Variants in PLA2G4F observed in about 807,000 individuals in gnomAD.
PLA2G4F encodes phospholipase A2 group IVF.
A neutral mutation model predicts 103.1 loss-of-function variants in PLA2G4F; 105 were observed. That is an observed-to-expected ratio of 1.02 (90% confidence interval 0.87 to 1.20). PLA2G4F has a LOEUF of 1.20. Among genes scored for constraint, PLA2G4F ranks in the 50% most tolerant of loss-of-function variants. The pLI, the probability that PLA2G4F is intolerant of heterozygous loss-of-function variation, is 0.00. For missense variants in PLA2G4F, 1,155 were observed against 1,075.9 expected (o/e 1.07, Z -1.03); for synonymous variants, 468 against 441.1 (o/e 1.06, Z -0.76).
rs913459169 is a variant in PLA2G4F at position 42,150,647 on chromosome 15, C to G, written c.732G>C (p.Arg244Ser). 8.7e-6 allele frequency: 14 copies of G among 1,613,344 alleles called. No individual in the cohort carries two copies. The highest frequency in any genetic ancestry group is 1.2e-5 in the Non-Finnish European group (14 of 1,179,676). The change falls in exon 8 of 20, where the codon AGG becomes AGC. Residue 244 changes from arginine (R) to serine (S), a missense_variant. By Grantham distance (110) the Arg-to-Ser change is moderately radical (BLOSUM62 -1). Around this residue, in one of 3 missense-constraint regions of PLA2G4F, gnomAD observed 370 missense variants for 364.9 expected, o/e 1.01. Transcript: ENST00000397272. Reference protein sequence around the residue: ...TFHVNPVLSSRLHVELMELLA... With the variant: ...TFHVNPVLSSSLHVELMELLA... ...GCAGCTCCATCAGCTCCACGTGTAGCCTGGAGCTCAGCACTGGGTTCACGT... is the reference window on the plus strand; with the variant it reads ...GCAGCTCCATCAGCTCCACGTGTAGGCTGGAGCTCAGCACTGGGTTCACGT...
intron 13 of PLA2G4F, 122 bp downstream of exon 13, chr15:42,147,002 G>A (rs945178624): frequency 5.1e-6 from 5 of 983,796 alleles, no homozygotes; most frequent in Non-Finnish European, 7.4e-6. Context: ...GGCCCCAGGG[G>A]AGCCGAGAGC....
Position 42,154,464 on chromosome 15 carries a change from G to T in PLA2G4F, c.185-6C>A. 2.6e-6 allele frequency: 4 copies of T among 1,562,928 alleles called. No individual in the cohort carries two copies. Among genetic ancestry groups the T allele is most frequent in the Non-Finnish European group, 3.5e-6 (4 of 1,151,998 alleles). On this transcript the variant is annotated splice_polypyrimidine_tract_variant and splice_region_variant and intron_variant, in intron 2 of 19. Coordinates refer to ENST00000397272, the MANE Select transcript of PLA2G4F (RefSeq NM_213600.4). ...ATAGCAGTCGGCTTTGGACACTGCAGGTAGGACAGGGAGGGGCCGGGGCCT... is the reference window on the plus strand; with the variant it reads ...ATAGCAGTCGGCTTTGGACACTGCATGTAGGACAGGGAGGGGCCGGGGCCT...
intron 8 of PLA2G4F, 59 bp from the exon 9 acceptor site, chr15:42,150,545 G>A (rs759739713): frequency 1.1e-4 from 178 of 1,597,212 alleles, no homozygotes; most frequent in Non-Finnish European, 1.3e-4. Flanking sequence ...CTCCCCCAAC[G>A]TGGCCCTGGA....
chr15:42,143,866 CCA>C, intron 18 of PLA2G4F, 110 bp downstream of exon 18: 1 of 1,373,662 alleles, frequency 7.3e-7, no homozygotes, highest in Non-Finnish European at 9.8e-7. Context: ...AGGGCAATCC[CCA>C]CACACCCAGC....
intron 2 of PLA2G4F, among the ~76,000 whole-genome samples, chr15:42,155,166 C>T (rs1354298822): frequency 6.6e-6 from 1 of 151,926 alleles, no homozygotes; most frequent in Non-Finnish European, 1.5e-5. Flanking sequence ...CTTGCACTCA[C>T]ACACTCCTAC....
rs757332904 is a variant in PLA2G4F, at chr15:42,142,141, G to T, written c.2393C>A (p.Thr798Asn). 5.6e-6 allele frequency: 9 copies of T among 1,614,088 alleles called. No individual in the cohort carries two copies. The South Asian group carries it at 6.6e-5, about 12-fold the overall frequency. Residue 798 changes from threonine to asparagine, a missense_variant, in exon 20 of 20, where the codon ACC becomes AAC. Physicochemically the swap from Thr to Asn is moderately conservative, Grantham distance 65 (BLOSUM62 0). This residue lies in a region of PLA2G4F where 782 missense variants were observed against 692.9 expected (regional missense o/e 1.13). Transcript: ENST00000397272. ...FGDFVINRPD[T>N]PYGMMNFTYE... ...GGTGAAGTTCATCATGCCATAGGGG[G>T]TGTCTGGCCTGTTGATGACAAAGTC...
At chr15:42,150,535 C>A in intron 8 of PLA2G4F, 49 bp from the exon 9 acceptor site, 1 of 1,599,908 alleles carries the variant, frequency 6.3e-7, no homozygotes, top group South Asian at 1.1e-5. Context: ...GAAGAAAAGT[C>A]TCCCCCAACG....
intron 13 of PLA2G4F, among the ~76,000 whole-genome samples, chr15:42,146,509 A>G (rs1054135778): frequency 2.6e-5 from 4 of 152,244 alleles, no homozygotes; most frequent in Non-Finnish European, 4.4e-5. Flanking sequence ...AACACCAGGG[A>G]GTCAGGGTGA....
Position 42,153,318 on chromosome 15 carries a change from G to A in PLA2G4F, c.516C>T (p.Ile172=). The A allele has an allele frequency of 1.2e-6, 2 of 1,614,184 alleles. 1 individual carries two copies. The highest frequency in any genetic ancestry group is 2.2e-5 in the South Asian group (2 of 91,082). The change falls in exon 6 of 20, where the codon ATC becomes ATT. Residue 172 remains isoleucine, a synonymous_variant. Transcript: ENST00000397272. The stretch of plus-strand genomic sequence containing the variant: ...CACTCACCACCAGAACCCCGTTGGT[G>A]ATGACTTCAGATGCAGGCACCTGGC... ...EKSQVPASEV[I]TNGVLVAHPC... is the part of the protein sequence containing the mutation.
rs2048822086 is a variant in PLA2G4F at position 42,140,848 on chromosome 15, C to G, written c.*1136G>C. 1 of 201,382 alleles carries G rather than the reference C, an allele frequency of 5.0e-6. No homozygotes were observed. The highest frequency in any genetic ancestry group is 2.3e-5 in the African/African-American group (1 of 44,044). 12.5% of individuals were successfully genotyped at this position (201,382 alleles called of 1,614,324 possible). On this transcript the variant is annotated 3_prime_UTR_variant, in exon 20 of 20. Coordinates refer to ENST00000397272, the MANE Select transcript of PLA2G4F (RefSeq NM_213600.4). Reference sequence around the variant, plus strand: ...TCAAGTGCTGCTGCAGGCTCCTAGGCAGCTCAGCACTGGAGGCATATGCTG... The same window carrying G: ...TCAAGTGCTGCTGCAGGCTCCTAGGGAGCTCAGCACTGGAGGCATATGCTG...
Position 42,145,564 on chromosome 15 carries a change from G to C in PLA2G4F, c.1780+11C>G. On this transcript the variant is annotated intron_variant, in intron 16 of 19. Transcript: ENST00000397272. ...TGTGGTGTGGGAGGGGCTCGGGGTC[G>C]CTACCCTCACCTGTGATATTCACAC... 1.2e-6 allele frequency: 2 copies of C among 1,611,868 alleles called. No homozygotes were observed. Among genetic ancestry groups the C allele is most frequent in the Non-Finnish European group, 1.7e-6 (2 of 1,178,270 alleles).
At chr15:42,150,515 C>A (rs771346411) in intron 8 of PLA2G4F, 29 bp from the exon 9 acceptor site, 7 of 1,605,016 alleles carry the variant, frequency 4.4e-6, no homozygotes, top group Admixed American at 3.4e-5. Context: ...CCAAGAAGCT[C>A]TCCAGCAGGG....
rs755857506 is a variant in PLA2G4F at position 42,150,558 on chromosome 15, G to A, written c.771+50C>T. 48 of 1,594,148 alleles carry A rather than the reference G, an allele frequency of 3.0e-5. 1 individual carries two copies. Among genetic ancestry groups the A allele is most frequent in the South Asian group, 2.3e-4 (20 of 87,692 alleles). On this transcript the variant is annotated intron_variant, in intron 8 of 19. Transcript: ENST00000397272. The stretch of plus-strand genomic sequence containing the variant: ...GTCTCCCCCAACGTGGCCCTGGAAC[G>A]CCAGTCTGGGCTGAGTTGGATCTAC...
chr15:42,150,726 A>T lies in PLA2G4F; in HGVS notation c.653T>A (p.Leu218His). 1 of 1,612,524 alleles carries T rather than the reference A, an allele frequency of 6.2e-7. No individual in the cohort carries two copies. The highest frequency in any genetic ancestry group is 8.5e-7 in the Non-Finnish European group (1 of 1,179,564). The change falls in exon 8 of 20, where the codon CTC becomes CAC. Residue 218 changes from leucine to histidine, a missense_variant. By Grantham distance (99) the Leu-to-His change is moderately conservative. This residue lies in a region of PLA2G4F where 370 missense variants were observed against 364.9 expected (regional missense o/e 1.01). Coordinates refer to ENST00000397272, the MANE Select transcript of PLA2G4F (RefSeq NM_213600.4). ...CTCTGTGGGAGGCTGCAGGGGCAAG[A>T]GCTGTGGCTTCTCGTAGGCTCCAGG... ...AVPGAYEKPQLLPLQPPTEPG... is the reference protein window; with the variant it reads ...AVPGAYEKPQHLPLQPPTEPG...
intron 2 of PLA2G4F, 67 bp from the exon 3 acceptor site, chr15:42,154,525 G>T: frequency 6.8e-7 from 1 of 1,474,508 alleles, no homozygotes; most frequent in Non-Finnish European, 9.0e-7. Flanking sequence ...CCTTGGGGAG[G>T]CTAGGGCAGA....
At position 42,146,466 on chromosome 15, in the gene PLA2G4F, C is replaced by T. The variant is rs368450622; in HGVS notation, c.1420-225G>A. On this transcript the variant is annotated intron_variant, in intron 13 of 19. Transcript: ENST00000397272. ...TTCCAGGGACTATGGGAACACCCTC[C>T]CTCCTTCTTTACTATTCAAAACAGC... 5.3e-5 allele frequency among the ~76,000 whole-genome samples: 8 copies of T among 152,324 alleles called. No homozygotes were observed. The South Asian group carries it at 1.5e-3, about 28-fold the overall frequency.
At position 42,141,157 on chromosome 15, in the gene PLA2G4F, C is replaced by T. The variant is rs1376087796; in HGVS notation, c.*827G>A. ...CTCCTGCCCCACATACAGGTGCACA[C>T]CTCTCCCCCGATGAACTGATGCCCC... On this transcript the variant is annotated 3_prime_UTR_variant, in exon 20 of 20. Coordinates refer to ENST00000397272, the MANE Select transcript of PLA2G4F (RefSeq NM_213600.4). 5 of 445,150 alleles carry T rather than the reference C, an allele frequency of 1.1e-5. No individual in the cohort carries two copies. Among genetic ancestry groups the T allele is most frequent in the African/African-American group, 8.0e-5 (4 of 49,936 alleles). The allele number at this position is 445,150 out of a possible 1,614,324, so 27.6% of individuals were successfully genotyped here.
chr15:42,144,739 A>T, intron 16 of PLA2G4F, 95 bp from the exon 17 acceptor site: 1 of 1,240,630 alleles, frequency 8.1e-7, no homozygotes. Flanking sequence ...CCCAACAGTG[A>T]GCCCTCCCCA....
intron 11 of PLA2G4F, chr15:42,148,800 C>CTT: frequency 2.0e-6 from 2 of 985,424 alleles, no homozygotes; most frequent in Non-Finnish European, 2.4e-6. Flanking sequence ...GATTTTTGTT[C>CTT]TTTTCCCTGT....
Sources: allele counts gnomAD v4.1 joint callset (sites outside exome capture counted in the v4.1 genomes callset), GRCh38; gene constraint gnomAD v4.1.1; regional missense constraint gnomAD v4.1.1; transcripts MANE v1.5; gene names NCBI Gene and HGNC (gene_info 2026-07-23, HGNC 2026-07-21).